Variants in HOXD4 observed in about 807,000 individuals in gnomAD.
HOXD4 encodes the protein homeobox D4, also known as homeobox protein Hox-D4.
A neutral mutation model predicts 22.6 loss-of-function variants in HOXD4; 15 were observed. The ratio of observed to expected loss-of-function variants is 0.67; its 90% CI spans 0.45 to 1.02. The LOEUF is 1.02. Ranked by LOEUF, HOXD4 falls within the 50% of genes least tolerant of loss-of-function variation. HOXD4 has a pLI of 0.00. For synonymous variants in HOXD4, 176 were observed against 157.0 expected (o/e 1.12, Z -0.90); for missense variants, 350 against 346.6 (o/e 1.01, Z -0.08).
At position 176,152,099 on chromosome 2, in the gene HOXD4, C is replaced by T; in HGVS notation, c.433+33C>T. 6.3e-7 allele frequency: 1 copy of T among 1,587,090 alleles called. No individual in the cohort carries two copies. Among genetic ancestry groups the T allele is most frequent in the Non-Finnish European group, 8.6e-7 (1 of 1,156,156 alleles). ...TAGGGTCCAGTAACCTTTCTGTCCA[C>T]ATCCCAGCCCGTTAGCCTGGGTCCT... is the stretch of plus-strand genomic sequence containing the variant. On this transcript the variant is annotated intron_variant, in intron 1 of 1. Coordinates refer to ENST00000306324, the MANE Select transcript of HOXD4 (RefSeq NM_014621.3). This position sits in a 1 kb window ranked among gnomAD's most constrained non-coding sequence, Gnocchi z 5.2.
Position 176,152,484 on chromosome 2 carries a change from G to A in HOXD4, c.434-124G>A. On this transcript the variant is annotated intron_variant, in intron 1 of 1. Coordinates refer to ENST00000306324, the MANE Select transcript of HOXD4 (RefSeq NM_014621.3). This position sits in a 1 kb window ranked among gnomAD's most constrained non-coding sequence, Gnocchi z 5.2. ...AGAGGGCGGGAGGGAGGAAGCAAGC[G>A]AGCTTGGGAGCGCGCGGGGAGGGCC... 1.3e-6 allele frequency: 1 copy of A among 798,664 alleles called. No homozygotes were observed. Among genetic ancestry groups the A allele is most frequent in the Non-Finnish European group, 2.1e-6 (1 of 468,408 alleles). 49.5% of individuals were successfully genotyped at this position (798,664 alleles called of 1,614,324 possible).
chr2:176,153,012 C>T lies in HOXD4; in HGVS notation c.*70C>T, dbSNP rs1161355579. 1 of 1,442,396 alleles carries T rather than the reference C, an allele frequency of 6.9e-7. No homozygotes were observed. The highest frequency in any genetic ancestry group is 1.4e-5 in the African/African-American group (1 of 71,382). 89.3% of individuals were successfully genotyped at this position (1,442,396 alleles called of 1,614,324 possible). On this transcript the variant is annotated 3_prime_UTR_variant, in exon 2 of 2. Transcript: ENST00000306324. ...CCGAAGCTGCGGGGGCAGGCCGGGC[C>T]TGCTGTCACCTCGCTGGGCTCTAAG...
At position 176,152,958 on chromosome 2, in the gene HOXD4, G is replaced by A. The variant is rs1690574463; in HGVS notation, c.*16G>A. ...GACCTTATAGAAGTGGGGACCCTGG[G>A]CCCATCTCTCCCTGCGCACCAGGCT... On this transcript the variant is annotated 3_prime_UTR_variant, in exon 2 of 2. Coordinates refer to ENST00000306324, the MANE Select transcript of HOXD4 (RefSeq NM_014621.3). This position sits in a 1 kb window ranked among gnomAD's most constrained non-coding sequence, Gnocchi z 5.2. 1 of 1,611,606 alleles carries A rather than the reference G, an allele frequency of 6.2e-7. No homozygotes were observed. Among genetic ancestry groups the A allele is most frequent in the Non-Finnish European group, 8.5e-7 (1 of 1,177,722 alleles).
rs1348260116 is a variant in HOXD4 at position 176,151,885 on chromosome 2, C to T, written c.252C>T (p.Gly84=). The T allele has an allele frequency of 1.9e-6, 3 of 1,584,948 alleles. No individual in the cohort carries two copies. The highest frequency in any genetic ancestry group is 2.3e-5 in the East Asian group (1 of 43,524). The change falls in exon 1 of 2, where the codon GGC becomes GGT. Residue 84 remains glycine, a synonymous_variant. Transcript: ENST00000306324. ...GGGGTCACGGACAAGAGCCAGGCGGCCCCGGCGGTCACTACGCCGCTCCAG... is the reference window on the plus strand; with the variant it reads ...GGGGTCACGGACAAGAGCCAGGCGGTCCCGGCGGTCACTACGCCGCTCCAG... The part of the protein sequence containing the change: ...PARGHGQEPG[G]PGGHYAAPGE...
Position 176,153,129 on chromosome 2 carries a change from GATGGGA to G in HOXD4, c.*188_*193del. On this transcript the variant is annotated 3_prime_UTR_variant, in exon 2 of 2. Coordinates refer to ENST00000306324, the MANE Select transcript of HOXD4 (RefSeq NM_014621.3). ...AGCCCCCTCCCTAGAGCGGGATGGG[GATGGGA>G]GGGGGGGCGGGATTCTCTCTCTAAG... is the stretch of plus-strand genomic sequence containing the variant. The G allele has an allele frequency of 2.9e-6, 1 of 350,780 alleles. No homozygotes were observed. The highest frequency in any genetic ancestry group is 5.6e-6 in the Non-Finnish European group (1 of 178,132). The allele number at this position is 350,780 out of a possible 1,614,324, so 21.7% of individuals were successfully genotyped here. A position where few individuals can be genotyped will look rare whatever the true frequency, so the allele number is the denominator to read the frequency against.
chr2:176,151,850 C>A lies in HOXD4; in HGVS notation c.217C>A (p.Leu73Met). Residue 73 changes from leucine (L) to methionine (M), a missense_variant, in exon 1 of 2, where the codon CTG becomes ATG. Coordinates refer to ENST00000306324, the MANE Select transcript of HOXD4 (RefSeq NM_014621.3). ...GGSGPGPGSA[L>M]PARGHGQEPG... ...CAGCGGCCCCGGGCCTGGCTCGGCG[C>A]TGCCTGCGCGGGGTCACGGACAAGA... is the stretch of plus-strand genomic sequence containing the variant. 1.3e-6 allele frequency: 2 copies of A among 1,592,752 alleles called. No individual in the cohort carries two copies. Among genetic ancestry groups the A allele is most frequent in the Non-Finnish European group, 8.6e-7 (1 of 1,169,440 alleles).
At position 176,152,188 on chromosome 2, in the gene HOXD4, C is replaced by T. The variant is rs963826176; in HGVS notation, c.433+122C>T. The T allele has an allele frequency of 2.7e-6, 2 of 737,484 alleles. No homozygotes were observed. The highest frequency in any genetic ancestry group is 4.5e-6 in the Non-Finnish European group (2 of 443,024). The allele number at this position is 737,484 out of a possible 1,614,324, so 45.7% of individuals were successfully genotyped here. On this transcript the variant is annotated intron_variant, in intron 1 of 1. Coordinates refer to ENST00000306324, the MANE Select transcript of HOXD4 (RefSeq NM_014621.3). The surrounding 1 kb of genome is among the most constrained non-coding windows in gnomAD (Gnocchi z 5.2). The stretch of plus-strand genomic sequence containing the variant: ...TCCATGGGCGCCGCAATTACTCTCC[C>T]CATAAATTTTTATAGCTGAGGGAGC...
rs1163359030 is a variant in HOXD4, at chr2:176,152,735, C to T, written c.561C>T (p.Ile187=). 2.5e-6 allele frequency: 4 copies of T among 1,614,054 alleles called. No homozygotes were observed. Among genetic ancestry groups the T allele is most frequent in the South Asian group, 2.2e-5 (2 of 91,086 alleles). ...RYLTRRRRIE[I]AHTLCLSERQ... is the part of the protein sequence containing the mutation. ...TGACAAGGCGCCGTCGGATTGAAAT[C>T]GCTCACACCCTGTGTCTGTCGGAGC... Residue 187 remains isoleucine, a synonymous_variant, in exon 2 of 2, where the codon ATC becomes ATT. Transcript: ENST00000306324. This position sits in a 1 kb window ranked among gnomAD's most constrained non-coding sequence, Gnocchi z 5.2.
At position 176,152,519 on chromosome 2, in the gene HOXD4, G is replaced by T; in HGVS notation, c.434-89G>T. On this transcript the variant is annotated intron_variant, in intron 1 of 1. Coordinates refer to ENST00000306324, the MANE Select transcript of HOXD4 (RefSeq NM_014621.3). The surrounding 1 kb of genome is among the most constrained non-coding windows in gnomAD (Gnocchi z 5.2). ...GCGCGCGGGGAGGGCCGCGGGCCTCGGGGCGCGCCAGGAAGTGAGCGGCGG... is the reference window on the plus strand; with the variant it reads ...GCGCGCGGGGAGGGCCGCGGGCCTCTGGGCGCGCCAGGAAGTGAGCGGCGG... The T allele has an allele frequency of 1.7e-6, 2 of 1,167,606 alleles. No individual in the cohort carries two copies. Among genetic ancestry groups the T allele is most frequent in the Non-Finnish European group, 2.5e-6 (2 of 788,596 alleles). 72.3% of individuals were successfully genotyped at this position (1,167,606 alleles called of 1,614,324 possible). A position where few individuals can be genotyped will look rare whatever the true frequency, so the allele number is the denominator to read the frequency against.
In HOXD4 at chr2:176,152,910, A is replaced by G. The variant is rs572681628; in HGVS notation, c.736A>G (p.Lys246Glu). Reference protein sequence around the residue: ...APSQHLQPMAKDHHTDLTTL With the variant: ...APSQHLQPMAEDHHTDLTTL ...CAGCCAGCATTTACAGCCGATGGCC[A>G]AAGACCACCACACGGACCTGACGAC... is the stretch of plus-strand genomic sequence containing the variant. Residue 246 changes from lysine to glutamate, a missense_variant, in exon 2 of 2, where the codon AAA (lysine) becomes GAA (glutamate). By Grantham distance (56) the Lys-to-Glu change is moderately conservative (BLOSUM62 1). Coordinates refer to ENST00000306324, the MANE Select transcript of HOXD4 (RefSeq NM_014621.3). The surrounding 1 kb of genome is among the most constrained non-coding windows in gnomAD (Gnocchi z 5.2). 1.2e-6 allele frequency: 2 copies of G among 1,614,194 alleles called. No homozygotes were observed. The highest frequency in any genetic ancestry group is 2.2e-5 in the East Asian group (1 of 44,878).
rs766605525 is a variant in HOXD4 at position 176,152,585 on chromosome 2, G to A, written c.434-23G>A. The A allele has an allele frequency of 2.5e-6, 4 of 1,604,550 alleles. No individual in the cohort carries two copies. The highest frequency in any genetic ancestry group is 2.2e-5 in the South Asian group (2 of 90,904). On this transcript the variant is annotated intron_variant, in intron 1 of 1. Transcript: ENST00000306324. This position sits in a 1 kb window ranked among gnomAD's most constrained non-coding sequence, Gnocchi z 5.2. ...CTAGTGGCCGGGCGCTGACCTGCCT[G>A]TCCTGTCTGTTTTGTCTCGCAGTGA...
In HOXD4 at chr2:176,152,049, A is replaced by G. The variant is rs1690541953; in HGVS notation, c.416A>G (p.Lys139Arg). ...QPAVVYPWMK[K>R]VHVNSVNPNY... ...GCCGTGGTCTACCCCTGGATGAAGA[A>G]GGTGCACGTGAATTCGGGTAAGGCT... Residue 139 changes from lysine (K) to arginine (R), a missense_variant, in exon 1 of 2, where the codon AAG becomes AGG. Lys to Arg is a conservative substitution (Grantham distance 26, BLOSUM62 2). Coordinates refer to ENST00000306324, the MANE Select transcript of HOXD4 (RefSeq NM_014621.3). This position sits in a 1 kb window ranked among gnomAD's most constrained non-coding sequence, Gnocchi z 5.2. 5 of 1,613,160 alleles carry G rather than the reference A, an allele frequency of 3.1e-6. No individual in the cohort carries two copies. The highest frequency in any genetic ancestry group is 4.2e-6 in the Non-Finnish European group (5 of 1,179,630).
At position 176,152,905 on chromosome 2, in the gene HOXD4, T is replaced by A. The variant is rs1326613863; in HGVS notation, c.731T>A (p.Met244Lys). 6.2e-7 allele frequency: 1 copy of A among 1,614,200 alleles called. No homozygotes were observed. The highest frequency in any genetic ancestry group is 8.5e-7 in the Non-Finnish European group (1 of 1,180,032). Reference sequence around the variant, plus strand: ...GCCCCCAGCCAGCATTTACAGCCGATGGCCAAAGACCACCACACGGACCTG... The same window carrying A: ...GCCCCCAGCCAGCATTTACAGCCGAAGGCCAAAGACCACCACACGGACCTG... ...SVAPSQHLQP[M>K]AKDHHTDLTT... Residue 244 changes from methionine (M) to lysine (K), a missense_variant, in exon 2 of 2, where the codon ATG (methionine) becomes AAG (lysine). Coordinates refer to ENST00000306324, the MANE Select transcript of HOXD4 (RefSeq NM_014621.3). The surrounding 1 kb of genome is among the most constrained non-coding windows in gnomAD (Gnocchi z 5.2).
At position 176,152,202 on chromosome 2, in the gene HOXD4, A is replaced by T. The variant is rs556371337; in HGVS notation, c.433+136A>T. ...AATTACTCTCCCCATAAATTTTTAT[A>T]GCTGAGGGAGCAGGTCAGGACCATG... On this transcript the variant is annotated intron_variant, in intron 1 of 1. Transcript: ENST00000306324. This position sits in a 1 kb window ranked among gnomAD's most constrained non-coding sequence, Gnocchi z 5.2. 6 of 565,114 alleles carry T rather than the reference A, an allele frequency of 1.1e-5. No homozygotes were observed. Among genetic ancestry groups the T allele is most frequent in the Admixed American group, 9.9e-5 (4 of 40,456 alleles). 35.0% of individuals were successfully genotyped at this position (565,114 alleles called of 1,614,324 possible). A position where few individuals can be genotyped will look rare whatever the true frequency, so the allele number is the denominator to read the frequency against.
In HOXD4 at chr2:176,151,867, C is replaced by A. The variant is rs764864352; in HGVS notation, c.234C>A (p.His78Gln). Residue 78 changes from histidine (H) to glutamine (Q), a missense_variant, in exon 1 of 2, where the codon CAC (histidine) becomes CAA (glutamine). Physicochemically the swap from His to Gln is conservative, Grantham distance 24. Coordinates refer to ENST00000306324, the MANE Select transcript of HOXD4 (RefSeq NM_014621.3). ...GPGSALPARG[H>Q]GQEPGGPGGH... ...GCTCGGCGCTGCCTGCGCGGGGTCA[C>A]GGACAAGAGCCAGGCGGCCCCGGCG... is the stretch of plus-strand genomic sequence containing the variant. 5.0e-5 allele frequency: 79 copies of A among 1,586,440 alleles called. 1 individual carries two copies. Among genetic ancestry groups the A allele is most frequent in the Non-Finnish European group, 6.6e-5 (77 of 1,166,166 alleles).
rs757416833 is a variant in HOXD4 at position 176,151,906 on chromosome 2, T to C, written c.273T>C (p.Ala91=). ...EPGGPGGHYA[A]PGEPCPAPPA... Reference sequence around the variant, plus strand: ...GCGGCCCCGGCGGTCACTACGCCGCTCCAGGAGAGCCTTGCCCAGCTCCCC... The same window carrying C: ...GCGGCCCCGGCGGTCACTACGCCGCCCCAGGAGAGCCTTGCCCAGCTCCCC... The change falls in exon 1 of 2, where the codon GCT becomes GCC. Residue 91 remains alanine (A), a synonymous_variant. Transcript: ENST00000306324. The C allele has an allele frequency of 6.3e-7, 1 of 1,594,532 alleles. No individual in the cohort carries two copies.
Position 176,151,677 on chromosome 2 carries a change from C to T in HOXD4, c.44C>T (p.Pro15Leu). ...SYMVNSKYVDPKFPPCEEYLQ... is the reference protein window; with the variant it reads ...SYMVNSKYVDLKFPPCEEYLQ... ...ATGGTGAACTCCAAGTATGTGGACC[C>T]CAAGTTCCCTCCGTGCGAGGAGTAT... The change falls in exon 1 of 2, where the codon CCC becomes CTC. Residue 15 changes from proline (P) to leucine (L), a missense_variant. Pro to Leu is a moderately conservative substitution (Grantham distance 98). Transcript: ENST00000306324. 2.5e-6 allele frequency: 4 copies of T among 1,613,560 alleles called. No homozygotes were observed. Among genetic ancestry groups the T allele is most frequent in the Non-Finnish European group, 3.4e-6 (4 of 1,179,990 alleles).
At position 176,151,587 on chromosome 2, in the gene HOXD4, A is replaced by G; in HGVS notation, c.-47A>G. On this transcript the variant is annotated 5_prime_UTR_variant, in exon 1 of 2. Transcript: ENST00000306324. Reference sequence around the variant, plus strand: ...GTAGGAGGGCCCTATGGAAGGAGAAAAAAAGACAACACGAGAAAAATTAGT... The same window carrying G: ...GTAGGAGGGCCCTATGGAAGGAGAAGAAAAGACAACACGAGAAAAATTAGT... The G allele has an allele frequency of 6.4e-7, 1 of 1,559,800 alleles. No homozygotes were observed. The highest frequency in any genetic ancestry group is 1.4e-5 in the African/African-American group (1 of 73,924).
rs759937750 is a variant in HOXD4 at position 176,151,756 on chromosome 2, G to T, written c.123G>T (p.Ala41=). Residue 41 remains alanine, a synonymous_variant, in exon 1 of 2, where the codon GCG becomes GCT. Coordinates refer to ENST00000306324, the MANE Select transcript of HOXD4 (RefSeq NM_014621.3). ...GCGCCGACTACTACGGCGGCGGCGCGCAGGGCGCAGACTTCCAGCCCCCGG... is the reference window on the plus strand; with the variant it reads ...GCGCCGACTACTACGGCGGCGGCGCTCAGGGCGCAGACTTCCAGCCCCCGG... ...EQGADYYGGG[A]QGADFQPPGL... The T allele has an allele frequency of 6.8e-6, 11 of 1,612,754 alleles. No individual in the cohort carries two copies. The highest frequency in any genetic ancestry group is 3.3e-5 in the South Asian group (3 of 91,076).
Sources: gnomAD v4.1 joint callset for allele counts on GRCh38, gnomAD v4.1.1 for gene constraint, Gnocchi (gnomAD v3.1) non-coding constraint, MANE v1.5 for transcripts, NCBI Gene and HGNC (gene_info 2026-07-23, HGNC 2026-07-21) for gene names.